Variants in CNTN3 observed in about 807,000 individuals in gnomAD.
CNTN3 encodes contactin 3, also known as contactin-3.
Under a neutral mutation model 119.1 loss-of-function variants are expected in CNTN3, and 60 were observed. The observed-to-expected ratio is 0.50, with a 90% CI of 0.41 to 0.62. CNTN3 has a LOEUF of 0.62. Ranked by LOEUF, CNTN3 falls within the 20% of genes least tolerant of loss-of-function variation. The pLI is 0.00. For synonymous variants in CNTN3, 450 were observed against 438.7 expected (o/e 1.03, Z -0.32); for missense variants, 1,101 against 1,242.4 (o/e 0.89, Z 1.71).
intron 1 of CNTN3, among the ~76,000 whole-genome samples, chr3:74,538,433 C>A (rs969689839): frequency 6.6e-6 from 1 of 152,066 alleles, no homozygotes; most frequent in South Asian, 2.1e-4. Flanking sequence ...CCTGTGTATG[C>A]CTCCTGAGCC....
intron 11 of CNTN3, among the ~76,000 whole-genome samples, chr3:74,349,198 T>C (rs1703760593): frequency 6.6e-6 from 1 of 152,104 alleles, no homozygotes; most frequent in Non-Finnish European, 1.5e-5. Context: ...TGAACAAACA[T>C]GTACAGAGCA....
At chr3:74,588,650 C>A (rs967832696) in intron 1 of CNTN3, among the ~76,000 whole-genome samples, 2 of 152,092 alleles carry the variant, frequency 1.3e-5, no homozygotes, top group South Asian at 2.1e-4. Flanking sequence ...ATCACCAAGT[C>A]ATTCCTAAGC....
At chr3:74,511,420 T>C (rs143826045) in intron 2 of CNTN3, among the ~76,000 whole-genome samples, 260 of 152,262 alleles carry the variant, frequency 1.7e-3, no homozygotes, top group African/African-American at 6.1e-3. Flanking sequence ...CCTTTATCCT[T>C]CAAGGCATAA....
At position 74,432,403 on chromosome 3, in the gene CNTN3, T is replaced by A. The variant is rs1228712589; in HGVS notation, c.359-7463A>T. On this transcript the variant is annotated intron_variant, in intron 4 of 22. Coordinates refer to ENST00000263665, the MANE Select transcript of CNTN3 (RefSeq NM_020872.3). Reference sequence around the variant, plus strand: ...CAATGAGCTAAAAAAAAAAAAAAAATCACAAAAAAATCTCATAATGTTTTA... The same window carrying A: ...CAATGAGCTAAAAAAAAAAAAAAAAACACAAAAAAATCTCATAATGTTTTA... Among the ~76,000 whole-genome samples, 271 of 145,022 alleles carry A rather than the reference T, an allele frequency of 1.9e-3. 2 individuals are homozygous for A. The highest frequency in any genetic ancestry group is 6.6e-3 in the African/African-American group (258 of 38,828).
At chr3:74,301,589 G>C in intron 15 of CNTN3, 42 bp from the exon 16 acceptor site, 1 of 1,612,172 alleles carries the variant, frequency 6.2e-7, no homozygotes, top group Non-Finnish European at 8.5e-7. Context: ...GCCTGCTTTA[G>C]CATTGACTTG....
In CNTN3 at chr3:74,578,571, A is replaced by G. The variant is rs558372006; in HGVS notation, c.-81+35820T>C. Among the ~76,000 whole-genome samples, 7 of 152,178 alleles carry G rather than the reference A, an allele frequency of 4.6e-5. No homozygotes were observed. The South Asian group carries it at 1.5e-3, about 32-fold the overall frequency. ...AGACTATCCCATCATAAAGTTAGGT[A>G]TCATTCAGAACTTATAGTGGGCTAA... On this transcript the variant is annotated intron_variant, in intron 1 of 22. Transcript: ENST00000263665.
intron 1 of CNTN3, among the ~76,000 whole-genome samples, chr3:74,577,960 A>T (rs1372695758): frequency 6.6e-6 from 1 of 152,112 alleles, no homozygotes; most frequent in Non-Finnish European, 1.5e-5. Context: ...TTAAATGTAA[A>T]AAGGAGATAT....
At chr3:74,308,007 C>T (rs1702598966) in intron 13 of CNTN3, among the ~76,000 whole-genome samples, 1 of 152,056 alleles carries the variant, frequency 6.6e-6, no homozygotes, top group Non-Finnish European at 1.5e-5. Flanking sequence ...CCTTCCAAAC[C>T]CTGACATTAC....
chr3:74,318,897 AT>A (rs1254711231), intron 13 of CNTN3, among the ~76,000 whole-genome samples: 1 of 152,168 alleles, frequency 6.6e-6, no homozygotes, highest in Non-Finnish European at 1.5e-5. Flanking sequence ...AGACAGGGAA[AT>A]TTAAGTCTTC....
chr3:74,591,763 T>C (rs531882706), intron 1 of CNTN3, among the ~76,000 whole-genome samples: 1 of 152,000 alleles, frequency 6.6e-6, no homozygotes, highest in Non-Finnish European at 1.5e-5. Flanking sequence ...CAAGAAGCTA[T>C]GTCTGGGAAA....
At chr3:74,271,045 G>A (rs545416275) in intron 20 of CNTN3, among the ~76,000 whole-genome samples, 1 of 152,246 alleles carries the variant, frequency 6.6e-6, no homozygotes, top group African/African-American at 2.4e-5. Context: ...CATCCATCAT[G>A]ATCCTCTGTG....
intron 3 of CNTN3, among the ~76,000 whole-genome samples, chr3:74,494,549 G>A (rs1346096504): frequency 6.6e-6 from 1 of 152,118 alleles, no homozygotes; most frequent in Non-Finnish European, 1.5e-5. Context: ...GTCACCTCAA[G>A]GCAATTTGTC....
At chr3:74,264,551 A>G in intron 22 of CNTN3, 50 bp from the exon 23 acceptor site, 1 of 1,240,472 alleles carries the variant, frequency 8.1e-7, no homozygotes, top group Non-Finnish European at 1.2e-6. Flanking sequence ...CCAATATGTA[A>G]TCAGGGTGCT....
At chr3:74,521,423 CAAT>C (rs1703541523) in intron 1 of CNTN3, among the ~76,000 whole-genome samples, 1 of 150,554 alleles carries the variant, frequency 6.6e-6, no homozygotes, top group South Asian at 2.1e-4. Context: ...AAATGTTTAC[CAAT>C]ATTAAAATAT....
intron 4 of CNTN3, among the ~76,000 whole-genome samples, chr3:74,435,416 A>G (rs528404713): frequency 1.4e-4 from 21 of 152,124 alleles, no homozygotes; most frequent in African/African-American, 4.3e-4. Flanking sequence ...GGCTCAAGCA[A>G]TCCACCTGTC....
At chr3:74,420,407 T>C (rs1267092388) in intron 5 of CNTN3, among the ~76,000 whole-genome samples, 3 of 152,214 alleles carry the variant, frequency 2.0e-5, no homozygotes, top group African/African-American at 7.2e-5. Flanking sequence ...TCCACATCTA[T>C]CTTCCCAATC....
At chr3:74,334,705 A>G (rs1703345570) in intron 13 of CNTN3, 30 bp downstream of exon 13, 2 of 1,593,760 alleles carry the variant, frequency 1.3e-6, no homozygotes, top group Admixed American at 3.4e-5. Context: ...CATGCAATAT[A>G]AAAAGTATGA....
chr3:74,317,738 T>C (rs1007197097), intron 13 of CNTN3, among the ~76,000 whole-genome samples: 1 of 152,192 alleles, frequency 6.6e-6, no homozygotes, highest in Non-Finnish European at 1.5e-5. Flanking sequence ...CCTTTGTGGG[T>C]AACCCGACCT....
intron 4 of CNTN3, among the ~76,000 whole-genome samples, chr3:74,464,009 A>G (rs1205437470): frequency 6.6e-6 from 1 of 152,144 alleles, no homozygotes; most frequent in African/African-American, 2.4e-5. Flanking sequence ...TCAGTTGCCT[A>G]CTAAACTTAG....
Sources: gnomAD v4.1 joint callset for allele counts (sites outside exome capture counted in the v4.1 genomes callset) on GRCh38, gnomAD v4.1.1 for gene constraint, MANE v1.5 for transcripts, NCBI Gene and HGNC (gene_info 2026-07-23, HGNC 2026-07-21) for gene names.